The following CCDC91 variants were observed in gnomAD, a reference collection of about 807,000 sequenced individuals.
The protein encoded by CCDC91 is coiled-coil domain-containing protein 91.
Under a neutral mutation model 63.2 loss-of-function variants are expected in CCDC91, and 48 were observed. The ratio of observed to expected loss-of-function variants is 0.76; its 90% CI spans 0.60 to 0.97. CCDC91 has a LOEUF of 0.97. Ranked by LOEUF, CCDC91 falls within the 50% of genes least tolerant of loss-of-function variation. The pLI, the probability that CCDC91 is intolerant of heterozygous loss-of-function variation, is 0.00. For missense variants in CCDC91, 500 were observed against 494.6 expected (o/e 1.01, Z -0.10); for synonymous variants, 167 against 165.8 (o/e 1.01, Z -0.06).
intron 7 of CCDC91, among the ~76,000 whole-genome samples, chr12:28,372,700 A>G (rs1308783647): frequency 6.6e-6 from 1 of 152,076 alleles, no homozygotes; most frequent in Non-Finnish European, 1.5e-5. Flanking sequence ...ACTTTACTGA[A>G]TTCATTTATC....
chr12:28,217,256 A>G (rs1166823349), intron 1 of CCDC91, among the ~76,000 whole-genome samples: 1 of 152,212 alleles, frequency 6.6e-6, no homozygotes, highest in African/African-American at 2.4e-5. Context: ...GAATATATGT[A>G]TATGTAAACA....
intron 8 of CCDC91, among the ~76,000 whole-genome samples, chr12:28,394,270 T>G (rs565874492): frequency 3.3e-5 from 5 of 152,140 alleles, no homozygotes; most frequent in East Asian, 1.9e-4. Flanking sequence ...ATTGAGACCA[T>G]CCTGGCTAAC....
At chr12:28,223,495 G>A (rs542536780) in intron 1 of CCDC91, among the ~76,000 whole-genome samples, 3 of 152,126 alleles carry the variant, frequency 2.0e-5, no homozygotes, top group South Asian at 2.1e-4. Flanking sequence ...AGCTTCTAGC[G>A]TTCTGGTGCA....
chr12:28,372,829 C>G (rs1026450300), intron 7 of CCDC91, among the ~76,000 whole-genome samples: 3 of 152,086 alleles, frequency 2.0e-5, no homozygotes, highest in Non-Finnish European at 4.4e-5. Flanking sequence ...ATTTCTTTCT[C>G]TTGTCTGATT....
intron 3 of CCDC91, among the ~76,000 whole-genome samples, chr12:28,269,003 A>C (rs1947553081): frequency 6.6e-6 from 1 of 152,138 alleles, no homozygotes; most frequent in South Asian, 2.1e-4. Context: ...GACAGGGTTG[A>C]GGGACCCACA....
intron 11 of CCDC91, among the ~76,000 whole-genome samples, chr12:28,479,898 T>G (rs534583588): frequency 3.3e-5 from 5 of 152,032 alleles, no homozygotes; most frequent in Non-Finnish European, 5.9e-5. Flanking sequence ...CAAGGATGAC[T>G]ATGTATGAGA....
intron 12 of CCDC91, among the ~76,000 whole-genome samples, chr12:28,540,371 A>G (rs1256705724): frequency 6.6e-6 from 1 of 152,168 alleles, no homozygotes; most frequent in Non-Finnish European, 1.5e-5. Context: ...TTAAGAGAAG[A>G]TAATTACATG....
intron 12 of CCDC91, among the ~76,000 whole-genome samples, chr12:28,496,549 G>GTA (rs1952294522): frequency 6.6e-6 from 1 of 151,536 alleles, no homozygotes; most frequent in Admixed American, 6.6e-5. Flanking sequence ...ACATTCTTTA[G>GTA]TAAAGTCTCC....
intron 3 of CCDC91, among the ~76,000 whole-genome samples, chr12:28,287,268 A>G (rs567279170): frequency 2.0e-5 from 3 of 152,294 alleles, no homozygotes; most frequent in African/African-American, 4.8e-5. Flanking sequence ...CATGTTTGTC[A>G]TGAACACTTT....
chr12:28,363,318 C>G (rs938794379), intron 7 of CCDC91, among the ~76,000 whole-genome samples: 2 of 152,156 alleles, frequency 1.3e-5, no homozygotes, highest in African/African-American at 4.8e-5. Flanking sequence ...TATTTACTCA[C>G]TGACTTGGAG....
intron 6 of CCDC91, among the ~76,000 whole-genome samples, chr12:28,355,153 C>T (rs1943439452): frequency 6.6e-6 from 1 of 151,952 alleles, no homozygotes; most frequent in East Asian, 1.9e-4. Flanking sequence ...TTTTGAGCAT[C>T]TGCCTTTCAA....
At chr12:28,259,134 A>G (rs1946649737) in intron 2 of CCDC91, among the ~76,000 whole-genome samples, 1 of 152,058 alleles carries the variant, frequency 6.6e-6, no homozygotes, top group African/African-American at 2.4e-5. Flanking sequence ...CAGTAGAGTT[A>G]TCTGAATAAG....
intron 12 of CCDC91, chr12:28,505,385 T>G (rs929653088): frequency 3.3e-5 from 5 of 151,788 alleles, no homozygotes; most frequent in African/African-American, 1.2e-4. Flanking sequence ...ACTCAGAGAA[T>G]TGAGTTTCGT....
intron 1 of CCDC91, among the ~76,000 whole-genome samples, chr12:28,227,813 A>G (rs1944362431): frequency 6.6e-6 from 1 of 152,046 alleles, no homozygotes; most frequent in African/African-American, 2.4e-5. Flanking sequence ...TTCAAAATAC[A>G]TCTTATTTCT....
At chr12:28,519,766 G>A (rs1265810709) in intron 12 of CCDC91, among the ~76,000 whole-genome samples, 2 of 125,172 alleles carry the variant, frequency 1.6e-5, no homozygotes, top group Admixed American at 1.1e-4. Flanking sequence ...TCCCCTTCCT[G>A]TGTCCAAGTG....
rs531695081 is a variant in CCDC91, at chr12:28,307,769, G to T, written c.576+20G>T. Reference sequence around the variant, plus strand: ...CTTCAGGTAAGGCGATTGAACTTAAGATTTAAAATGTAAGCCTTTTGATGA... The same window carrying T: ...CTTCAGGTAAGGCGATTGAACTTAATATTTAAAATGTAAGCCTTTTGATGA... On this transcript the variant is annotated intron_variant, in intron 6 of 12. Coordinates refer to ENST00000536442, the MANE Select transcript of CCDC91 (RefSeq NM_018318.5). The T allele has an allele frequency of 3.8e-4, 484 of 1,266,020 alleles. 6 individuals carry two copies. The South Asian group carries it at 5.9e-3, about 15-fold the overall frequency. 78.4% of individuals were successfully genotyped at this position (1,266,020 alleles called of 1,614,324 possible). A position where few individuals can be genotyped will look rare whatever the true frequency, so the allele number is the denominator to read the frequency against.
intron 8 of CCDC91, among the ~76,000 whole-genome samples, chr12:28,401,380 TA>T (rs1946613540): frequency 6.6e-6 from 1 of 152,038 alleles, no homozygotes; most frequent in Admixed American, 6.5e-5. Flanking sequence ...ACAAGAACAG[TA>T]TAAGGATAAC....
chr12:28,452,435 A>G (rs758064493), intron 10 of CCDC91, 43 bp from the exon 11 acceptor site: 1 of 1,297,538 alleles, frequency 7.7e-7, no homozygotes, highest in African/African-American at 1.7e-5. Context: ...AGAAATTATT[A>G]TGCAGTCTTT....
At chr12:28,281,127 T>C (rs1224658083) in intron 3 of CCDC91, among the ~76,000 whole-genome samples, 4 of 152,202 alleles carry the variant, frequency 2.6e-5, no homozygotes, top group Admixed American at 1.3e-4. Context: ...AGTAGTCTAT[T>C]TGGTCTTAAT....
Sources: allele counts gnomAD v4.1 joint callset (sites outside exome capture counted in the v4.1 genomes callset), GRCh38; gene constraint gnomAD v4.1.1; transcripts MANE v1.5; gene names NCBI Gene and HGNC (gene_info 2026-07-23, HGNC 2026-07-21).